The following ACSS3 variants were observed in gnomAD, a reference collection of about 807,000 sequenced individuals.
ACSS3 encodes the protein acyl-CoA synthetase short-chain family member 3, mitochondrial.
ACSS3 carries 64 observed loss-of-function variants against 84.2 expected under a neutral mutation model. That is an observed-to-expected ratio of 0.76 (90% CI 0.62 to 0.94). The LOEUF (loss-of-function observed/expected upper bound fraction) is 0.94. Ranked by LOEUF, ACSS3 falls within the 40% of genes least tolerant of loss-of-function variation. The pLI is 0.00. For synonymous variants in ACSS3, 317 were observed against 310.1 expected (o/e 1.02, Z -0.23); for missense variants, 815 against 867.6 (o/e 0.94, Z 0.76).
chr12:81,090,390 A>G (rs548221108), intron 1 of ACSS3, among the ~76,000 whole-genome samples: 85 of 152,134 alleles, frequency 5.6e-4, no homozygotes, highest in Non-Finnish European at 5.2e-4. Context: ...AATTTGACAC[A>G]TCACCACTCA....
chr12:81,239,096 A>C (rs912133565), intron 13 of ACSS3, among the ~76,000 whole-genome samples: 1 of 151,898 alleles, frequency 6.6e-6, no homozygotes, highest in East Asian at 1.9e-4. Flanking sequence ...TTTTCTTGAA[A>C]TATCTTCTTT....
intron 2 of ACSS3, among the ~76,000 whole-genome samples, chr12:81,132,754 T>C (rs1247130873): frequency 6.6e-6 from 1 of 152,144 alleles, no homozygotes; most frequent in Admixed American, 6.6e-5. Context: ...TTATTGGTAG[T>C]GTGGGCCTTG....
chr12:81,130,623 T>C (rs935568935), intron 2 of ACSS3, among the ~76,000 whole-genome samples: 1 of 152,196 alleles, frequency 6.6e-6, no homozygotes, highest in Admixed American at 6.5e-5. Context: ...CAGAAGCTCT[T>C]TAGTTTAATT....
At chr12:81,210,489 T>G (rs1195269237) in intron 9 of ACSS3, among the ~76,000 whole-genome samples, 1 of 151,750 alleles carries the variant, frequency 6.6e-6, no homozygotes, top group Non-Finnish European at 1.5e-5. Flanking sequence ...CACAATAGTA[T>G]AGCAAAATAA....
intron 11 of ACSS3, among the ~76,000 whole-genome samples, chr12:81,221,617 T>C (rs574928179): frequency 1.3e-5 from 2 of 152,184 alleles, no homozygotes; most frequent in Admixed American, 6.6e-5. Context: ...TAAAACAACA[T>C]ATCCATCAAG....
intron 11 of ACSS3, among the ~76,000 whole-genome samples, chr12:81,220,504 A>C (rs1003490224): frequency 6.6e-5 from 10 of 152,036 alleles, no homozygotes; most frequent in African/African-American, 2.4e-4. Context: ...GGTATATTGC[A>C]TAATCCTAGG....
intron 13 of ACSS3, among the ~76,000 whole-genome samples, chr12:81,251,557 C>T (rs942765945): frequency 2.6e-4 from 39 of 150,676 alleles, no homozygotes; most frequent in Admixed American, 1.9e-3. Context: ...CATAGCTGGG[C>T]GTGGTAGCTT....
intron 2 of ACSS3, among the ~76,000 whole-genome samples, chr12:81,134,109 A>G (rs567489494): frequency 9.5e-4 from 145 of 152,188 alleles, no homozygotes; most frequent in African/African-American, 3.3e-3. Flanking sequence ...GTATCCAAAT[A>G]CAGAGGAAAG....
At chr12:81,244,501 T>TA (rs1376227488) in intron 13 of ACSS3, among the ~76,000 whole-genome samples, 2 of 152,148 alleles carry the variant, frequency 1.3e-5, no homozygotes, top group Non-Finnish European at 2.9e-5. Flanking sequence ...ATGTGTTTGT[T>TA]ACAGCTTTTC....
chr12:81,190,596 CT>C (rs1259355061), intron 8 of ACSS3, among the ~76,000 whole-genome samples: 1 of 151,802 alleles, frequency 6.6e-6, no homozygotes, highest in Non-Finnish European at 1.5e-5. Context: ...CCGTTTATTT[CT>C]TTTTCTTACT....
chr12:81,205,234 C>A (rs2032294259), intron 9 of ACSS3, among the ~76,000 whole-genome samples: 1 of 152,124 alleles, frequency 6.6e-6, no homozygotes. Context: ...ACTATTGATT[C>A]TAAGGGTACA....
chr12:81,249,679 C>T (rs1308979776), intron 13 of ACSS3, among the ~76,000 whole-genome samples: 1 of 151,666 alleles, frequency 6.6e-6, no homozygotes, highest in Non-Finnish European at 1.5e-5. Flanking sequence ...CTGAATAGTT[C>T]CTGAGTATTC....
chr12:81,150,991 C>G (rs560561905), intron 5 of ACSS3, among the ~76,000 whole-genome samples: 1 of 152,256 alleles, frequency 6.6e-6, no homozygotes, highest in African/African-American at 2.4e-5. Flanking sequence ...CCTACTCATT[C>G]TGAGTATTCA....
intron 9 of ACSS3, chr12:81,199,705 A>T: frequency 7.3e-7 from 1 of 1,374,290 alleles, no homozygotes; most frequent in Non-Finnish European, 9.6e-7. Context: ...TTTGTTTCTT[A>T]TATCTGGTAA....
intron 7 of ACSS3, chr12:81,174,544 A>T (rs1454317236): frequency 2.9e-6 from 1 of 346,930 alleles, no homozygotes; most frequent in Non-Finnish European, 5.1e-6. Context: ...TTATTTTTCA[A>T]AACTTGATGA....
intron 1 of ACSS3, among the ~76,000 whole-genome samples, chr12:81,092,850 C>T (rs1453575850): frequency 1.3e-5 from 2 of 152,004 alleles, no homozygotes; most frequent in South Asian, 2.1e-4. Context: ...AGATGTACTT[C>T]GTAACATTGT....
At chr12:81,190,468 G>T (rs1196186464) in intron 8 of ACSS3, among the ~76,000 whole-genome samples, 1 of 151,998 alleles carries the variant, frequency 6.6e-6, no homozygotes, top group Non-Finnish European at 1.5e-5. Context: ...CCTACTTTCT[G>T]AAGCTCTTCC....
intron 7 of ACSS3, among the ~76,000 whole-genome samples, chr12:81,160,206 A>G (rs963067503): frequency 2.6e-5 from 4 of 152,242 alleles, no homozygotes; most frequent in African/African-American, 4.8e-5. Context: ...TTATGTAATA[A>G]CAGTCTTCTT....
chr12:81,227,578 G>A (rs758271487), intron 11 of ACSS3, among the ~76,000 whole-genome samples: 15 of 151,762 alleles, frequency 9.9e-5, no homozygotes, highest in Non-Finnish European at 1.6e-4. Flanking sequence ...ACAAAGAAAC[G>A]CATGAAAGGA....
Sources: gnomAD v4.1 joint callset for allele counts (sites outside exome capture counted in the v4.1 genomes callset) on GRCh38, gnomAD v4.1.1 for gene constraint, MANE v1.5 for transcripts, NCBI Gene and HGNC (gene_info 2026-07-23, HGNC 2026-07-21) for gene names.